TCERG1: variants seen among roughly 807,000 people sequenced by gnomAD.
TCERG1 encodes transcription elongation regulator 1.
In TCERG1, 37 loss-of-function variants were observed where a neutral mutation model predicts 144.7. The ratio of observed to expected loss-of-function variants is 0.26; its 90% CI spans 0.20 to 0.34. TCERG1 has a LOEUF of 0.34. Ranked by LOEUF, TCERG1 falls within the 10% of genes least tolerant of loss-of-function variation. The probability of loss-of-function intolerance (pLI) is 1.00; values close to 1 mark genes in which losing one functional copy is unlikely to be tolerated. For synonymous variants in TCERG1, 492 were observed against 458.2 expected (o/e 1.07, Z -0.94); for missense variants, 1,027 against 1,380.7 (o/e 0.74, Z 4.06).
In TCERG1 at chr5:146,459,098, A is replaced by G. The variant is rs751677150; in HGVS notation, c.653A>G (p.Gln218Arg). The G allele has an allele frequency of 4.4e-6, 7 of 1,594,858 alleles. No homozygotes were observed. The highest frequency in any genetic ancestry group is 6.0e-6 in the Non-Finnish European group (7 of 1,165,332). Residue 218 changes from glutamine to arginine, a missense_variant, in exon 4 of 23, where the codon CAG (glutamine) becomes CGG (arginine). Gln to Arg is a conservative substitution (Grantham distance 43). Around this residue, in one of 6 missense-constraint regions of TCERG1, gnomAD observed 187 missense variants for 169.1 expected, o/e 1.11. Coordinates refer to ENST00000679501, the MANE Select transcript of TCERG1 (RefSeq NM_001382548.1). ...QAQAQAQAQAQAQAQAQAQAQ... is the reference protein window; with the variant it reads ...QAQAQAQAQARAQAQAQAQAQ... ...CAGGCCCAGGCCCAGGCCCAGGCCC[A>G]GGCCCAGGCCCAAGCCCAAGCCCAG...
intron 14 of TCERG1, 89 bp downstream of exon 14, chr5:146,482,816 C>G: frequency 7.1e-7 from 1 of 1,399,228 alleles, no homozygotes; most frequent in East Asian, 2.6e-5. Flanking sequence ...AAGGTTAGTG[C>G]TCATGTTATG....
rs116587643 is a variant in TCERG1, at chr5:146,448,506, C to T, written c.59+1098C>T. 5.3e-3 allele frequency among the ~76,000 whole-genome samples: 813 copies of T among 152,272 alleles called. 10 individuals are homozygous for T. The highest frequency in any genetic ancestry group is 0.018 in the African/African-American group (732 of 41,544). ...GAGAAATGGCATTTCAGATGTTCAGCTCCCATTCTGAATTGTGCTGTTGTC... is the reference window on the plus strand; with the variant it reads ...GAGAAATGGCATTTCAGATGTTCAGTTCCCATTCTGAATTGTGCTGTTGTC... On this transcript the variant is annotated intron_variant, in intron 1 of 22. Transcript: ENST00000679501.
intron 21 of TCERG1, 54 bp downstream of exon 21, chr5:146,508,010 G>A (rs1243723939): frequency 2.3e-6 from 3 of 1,321,286 alleles, no homozygotes; most frequent in East Asian, 4.7e-5. Context: ...CTTAAATCGG[G>A]GCCTAACAGC....
At chr5:146,461,905 A>C (rs993344101) in intron 4 of TCERG1, 2 of 152,558 alleles carry the variant, frequency 1.3e-5, no homozygotes, top group African/African-American at 4.8e-5. Flanking sequence ...TTCAGCCAGT[A>C]TAGTAGATTA....
intron 6 of TCERG1, 116 bp from the exon 7 acceptor site, chr5:146,469,428 C>T (rs1392950045): frequency 1.2e-6 from 1 of 806,674 alleles, no homozygotes; most frequent in Non-Finnish European, 1.8e-6. Context: ...TTGTTTTGTT[C>T]CAACTGGTCC....
chr5:146,490,577 T>G (rs1766304690), intron 15 of TCERG1, among the ~76,000 whole-genome samples: 1 of 152,230 alleles, frequency 6.6e-6, no homozygotes, highest in South Asian at 2.1e-4. Flanking sequence ...TCTCTATAAG[T>G]ATGTAGCTCT....
intron 9 of TCERG1, among the ~76,000 whole-genome samples, chr5:146,478,168 A>G (rs1045970670): frequency 1.3e-5 from 2 of 152,232 alleles, no homozygotes; most frequent in Admixed American, 6.5e-5. Flanking sequence ...TATTGTTGCC[A>G]TTAAACTCAT....
At chr5:146,504,681 A>G (rs990009222) in intron 19 of TCERG1, among the ~76,000 whole-genome samples, 2 of 151,986 alleles carry the variant, frequency 1.3e-5, no homozygotes, top group Non-Finnish European at 2.9e-5. Flanking sequence ...TTCTTACTCT[A>G]CCCAGGAGTA....
At chr5:146,482,455 C>A (rs1765442460) in intron 13 of TCERG1, 137 bp from the exon 14 acceptor site, 3 of 643,158 alleles carry the variant, frequency 4.7e-6, no homozygotes, top group Non-Finnish European at 7.4e-6. Context: ...TCATTTGAAA[C>A]CCTCAATATA....
intron 19 of TCERG1, chr5:146,505,662 A>G (rs180955956): frequency 7.5e-4 from 114 of 152,292 alleles, no homozygotes; most frequent in African/African-American, 2.6e-3. Flanking sequence ...CTCCTGACCT[A>G]TCTAGGCAGA....
In TCERG1 at chr5:146,447,536, A is replaced by G. The variant is rs1473031172; in HGVS notation, c.59+128A>G. ...GCCGGGCGGCCCGGGCCGGGACCGC[A>G]TGGGGTTTAAGAAGGGGGAAGGGGA... is the stretch of plus-strand genomic sequence containing the variant. On this transcript the variant is annotated intron_variant, in intron 1 of 22. Transcript: ENST00000679501. 38 of 1,242,710 alleles carry G rather than the reference A, an allele frequency of 3.1e-5. No individual in the cohort carries two copies. The East Asian group carries it at 9.8e-4, about 32-fold the overall frequency. 77.0% of individuals were successfully genotyped at this position (1,242,710 alleles called of 1,614,324 possible).
At chr5:146,453,886 A>G (rs568825903) in intron 1 of TCERG1, among the ~76,000 whole-genome samples, 1 of 152,168 alleles carries the variant, frequency 6.6e-6, no homozygotes, top group Admixed American at 6.5e-5. Context: ...TGAAGAATAC[A>G]CATCCCCCTT....
intron 15 of TCERG1, among the ~76,000 whole-genome samples, chr5:146,488,689 GAAC>G (rs1422749411): frequency 6.6e-6 from 1 of 152,082 alleles, no homozygotes; most frequent in Non-Finnish European, 1.5e-5. Flanking sequence ...ACTAAAAACA[GAAC>G]AACGATATGA....
intron 1 of TCERG1, among the ~76,000 whole-genome samples, chr5:146,449,845 T>G (rs1339157497): frequency 1.3e-5 from 2 of 152,222 alleles, no homozygotes; most frequent in Non-Finnish European, 2.9e-5. Context: ...GAGCCTTTGT[T>G]TACCTATCAA....
chr5:146,488,410 A>G (rs1319760103), intron 15 of TCERG1, among the ~76,000 whole-genome samples: 1 of 152,194 alleles, frequency 6.6e-6, no homozygotes, highest in Non-Finnish European at 1.5e-5. Flanking sequence ...TCTTACTAAC[A>G]AATGGGCAGA....
At chr5:146,466,771 A>AT (rs1332118797) in intron 5 of TCERG1, among the ~76,000 whole-genome samples, 2 of 152,180 alleles carry the variant, frequency 1.3e-5, no homozygotes, top group Non-Finnish European at 2.9e-5. Context: ...AGCCCAACTG[A>AT]TTTTTAATAA....
At chr5:146,482,797 G>C in intron 14 of TCERG1, 70 bp downstream of exon 14, 2 of 1,481,630 alleles carry the variant, frequency 1.3e-6, no homozygotes, top group Non-Finnish European at 1.8e-6. Context: ...TTGCTAAAAG[G>C]TCAAATCTAA....
At chr5:146,496,284 G>T (rs1766896016) in intron 16 of TCERG1, among the ~76,000 whole-genome samples, 2 of 151,966 alleles carry the variant, frequency 1.3e-5, no homozygotes, top group African/African-American at 4.8e-5. Context: ...TTTATAAATT[G>T]ATGTTTTCCA....
In TCERG1 at chr5:146,459,277, A is replaced by C. The variant is rs747728427; in HGVS notation, c.832A>C (p.Thr278Pro). The change falls in exon 4 of 23, where the codon ACC (threonine) becomes CCC (proline). Residue 278 changes from threonine to proline, a missense_variant. Physicochemically the swap from Thr to Pro is conservative, Grantham distance 38. This residue lies in a region of TCERG1 where 187 missense variants were observed against 169.1 expected (regional missense o/e 1.11). Transcript: ENST00000679501. ...AGTATCCACTTCAACATCATCATCC[A>C]CCCCTTCCTCTACCACTTCTACCAC... is the stretch of plus-strand genomic sequence containing the variant. ...PAVSTSTSSS[T>P]PSSTTSTTTT... The C allele has an allele frequency of 7.4e-6, 12 of 1,613,858 alleles. No homozygotes were observed. In the Admixed American group the frequency reaches 1.0e-4, roughly 13 times the overall value.
Sources: gnomAD v4.1 joint callset for allele counts (sites outside exome capture counted in the v4.1 genomes callset) on GRCh38, gnomAD v4.1.1 for gene constraint, gnomAD v4.1.1 regional missense constraint, MANE v1.5 for transcripts, NCBI Gene and HGNC (gene_info 2026-07-23, HGNC 2026-07-21) for gene names.